Variants in SDCCAG8 observed in about 807,000 individuals in gnomAD.
SDCCAG8 encodes SHH signaling and ciliogenesis regulator SDCCAG8.
Under a neutral mutation model 101.8 loss-of-function variants are expected in SDCCAG8, and 74 were observed. The ratio of observed to expected loss-of-function variants is 0.73; its 90% confidence interval spans 0.60 to 0.88. The LOEUF is 0.88. SDCCAG8 is among the 40% of genes least tolerant of loss of function. The pLI, the probability that SDCCAG8 is intolerant of heterozygous loss-of-function variation, is 0.00. For missense variants in SDCCAG8, 787 were observed against 822.6 expected (o/e 0.96, Z 0.53); for synonymous variants, 281 against 292.9 (o/e 0.96, Z 0.41).
intron 12 of SDCCAG8, among the ~76,000 whole-genome samples, chr1:243,353,980 T>A (rs1451115809): frequency 2.6e-5 from 4 of 152,218 alleles, no homozygotes. Flanking sequence ...TTGACAATTA[T>A]CTTGATTTGT....
intron 12 of SDCCAG8, among the ~76,000 whole-genome samples, chr1:243,378,481 T>A (rs529280320): frequency 6.6e-6 from 1 of 152,222 alleles, no homozygotes; most frequent in East Asian, 1.9e-4. Context: ...CCACTTTGAC[T>A]ACTCTCATTT....
intron 16 of SDCCAG8, among the ~76,000 whole-genome samples, chr1:243,432,968 G>C (rs981834151): frequency 6.6e-6 from 1 of 152,230 alleles, no homozygotes; most frequent in African/African-American, 2.4e-5. Context: ...GAGACGCTGA[G>C]GTAGACAAAG....
chr1:243,349,758 T>G (rs146732007), intron 12 of SDCCAG8, among the ~76,000 whole-genome samples: 2 of 152,284 alleles, frequency 1.3e-5, no homozygotes, highest in Admixed American at 6.5e-5. Context: ...TGATTTTATA[T>G]TTACAATTTT....
chr1:243,270,108 A>T lies in SDCCAG8; in HGVS notation c.71A>T (p.His24Leu). The stretch of plus-strand genomic sequence containing the variant: ...TTTCGTCAGGTTGTTCTTGCAGAAC[A>T]TGCCAGCAGAAGCATTCACCAACTG... ...LGQYQRSLRE[H>L]ASRSIHQLTC... The change falls in exon 2 of 18, where the codon CAT becomes CTT. Residue 24 changes from histidine to leucine, a missense_variant. Transcript: ENST00000366541. 1 of 1,614,214 alleles carries T rather than the reference A, an allele frequency of 6.2e-7. No individual in the cohort carries two copies. Among genetic ancestry groups the T allele is most frequent in the Middle Eastern group, 1.7e-4 (1 of 6,060 alleles).
chr1:243,374,485 C>A (rs976147726), intron 12 of SDCCAG8, among the ~76,000 whole-genome samples: 1 of 152,006 alleles, frequency 6.6e-6, no homozygotes, highest in Non-Finnish European at 1.5e-5. Context: ...TACTAAGAAT[C>A]AGGATGGCCT....
intron 4 of SDCCAG8, among the ~76,000 whole-genome samples, chr1:243,282,423 A>G (rs1450945544): frequency 6.6e-6 from 1 of 152,190 alleles, no homozygotes; most frequent in East Asian, 1.9e-4. Context: ...ACACTATTGC[A>G]ATTATGATGT....
rs2073268837 is a variant in SDCCAG8, at chr1:243,316,673, A to G, written c.930-82A>G. 5 of 1,562,006 alleles carry G rather than the reference A, an allele frequency of 3.2e-6. No homozygotes were observed. In the South Asian group the frequency reaches 3.4e-5, roughly 11 times the overall value. ...GCCTACCCTGGCTCTTCTAATACAT[A>G]TTAATGCTTTTCTCTCCCTGACTTA... is the stretch of plus-strand genomic sequence containing the variant. On this transcript the variant is annotated intron_variant, in intron 8 of 17. Coordinates refer to ENST00000366541, the MANE Select transcript of SDCCAG8 (RefSeq NM_006642.5).
At chr1:243,363,320 T>TGTAA (rs2076822819) in intron 12 of SDCCAG8, among the ~76,000 whole-genome samples, 1 of 152,232 alleles carries the variant, frequency 6.6e-6, no homozygotes, top group African/African-American at 2.4e-5. Flanking sequence ...GCCTACTGTG[T>TGTAA]GTAAGTAGCT....
At chr1:243,326,002 C>A (rs1234613986) in intron 9 of SDCCAG8, among the ~76,000 whole-genome samples, 1 of 152,094 alleles carries the variant, frequency 6.6e-6, no homozygotes, top group Non-Finnish European at 1.5e-5. Context: ...CTTAGGCCTG[C>A]CTGCTTGTGT....
chr1:243,424,676 A>T (rs2081226902), intron 15 of SDCCAG8, among the ~76,000 whole-genome samples: 1 of 152,054 alleles, frequency 6.6e-6, no homozygotes, highest in South Asian at 2.1e-4. Flanking sequence ...TTCTTGGTTA[A>T]GTTTCCAGAT....
chr1:243,269,307 T>TG (rs2067888940), intron 1 of SDCCAG8: 1 of 151,286 alleles, frequency 6.6e-6, no homozygotes, highest in Non-Finnish European at 1.5e-5. Flanking sequence ...AGGCTATTTT[T>TG]TTTTTTTTTT....
chr1:243,372,433 G>T (rs984590944), intron 12 of SDCCAG8, among the ~76,000 whole-genome samples: 1 of 151,958 alleles, frequency 6.6e-6, no homozygotes, highest in Non-Finnish European at 1.5e-5. Context: ...TATAGTTTAT[G>T]CTTCTTTTTC....
At chr1:243,431,012 C>A (rs1467478884) in intron 16 of SDCCAG8, among the ~76,000 whole-genome samples, 1 of 151,844 alleles carries the variant, frequency 6.6e-6, no homozygotes, top group African/African-American at 2.4e-5. Flanking sequence ...GCCTGGCCAA[C>A]ATGGTGAAAC....
chr1:243,469,873 C>T (rs927704075), intron 16 of SDCCAG8, among the ~76,000 whole-genome samples: 4 of 143,940 alleles, frequency 2.8e-5, no homozygotes, highest in African/African-American at 8.1e-5. Context: ...CCTCAGTCTC[C>T]TCATCTATTA....
intron 16 of SDCCAG8, among the ~76,000 whole-genome samples, chr1:243,471,149 A>G (rs1661186575): frequency 6.6e-6 from 1 of 152,002 alleles, no homozygotes; most frequent in Non-Finnish European, 1.5e-5. Flanking sequence ...CATCTTAAGG[A>G]AAGATGGTTG....
chr1:243,316,928 C>T, intron 9 of SDCCAG8, 35 bp downstream of exon 9: 1 of 1,502,474 alleles, frequency 6.7e-7, no homozygotes, highest in Non-Finnish European at 9.1e-7. Flanking sequence ...AAGTGTCTTT[C>T]TTTTTTTTTT....
intron 13 of SDCCAG8, among the ~76,000 whole-genome samples, chr1:243,411,598 C>T (rs2080180813): frequency 6.6e-6 from 1 of 152,150 alleles, no homozygotes; most frequent in South Asian, 2.1e-4. Context: ...CCTGGTACCC[C>T]TCTCCTACTT....
intron 16 of SDCCAG8, among the ~76,000 whole-genome samples, chr1:243,445,907 A>G (rs2148111665): frequency 6.6e-6 from 1 of 152,278 alleles, no homozygotes. Flanking sequence ...TTTTTTAACA[A>G]TCATACTTCT....
At chr1:243,391,221 T>C (rs1201547984) in intron 13 of SDCCAG8, among the ~76,000 whole-genome samples, 1 of 152,254 alleles carries the variant, frequency 6.6e-6, no homozygotes, top group African/African-American at 2.4e-5. Context: ...TCGTGATTTG[T>C]TGATTGATAA....
Sources: allele counts gnomAD v4.1 joint callset (sites outside exome capture counted in the v4.1 genomes callset), GRCh38; gene constraint gnomAD v4.1.1; transcripts MANE v1.5; gene names NCBI Gene and HGNC (gene_info 2026-07-23, HGNC 2026-07-21).